Variants in TRIO observed in about 807,000 individuals in gnomAD.
The protein encoded by TRIO is trio Rho guanine nucleotide exchange factor.
Under a neutral mutation model 351.9 loss-of-function variants are expected in TRIO, and 58 were observed. The observed-to-expected ratio is 0.16, with a 90% CI of 0.13 to 0.21. The LOEUF is 0.21. TRIO is among the 10% of genes least tolerant of loss of function. The pLI is 1.00. For missense variants in TRIO, 3,201 were observed against 4,027.8 expected, an observed-to-expected ratio of 0.79 and a Z score of 5.56; for synonymous variants, 1,758 against 1,595.7, an observed-to-expected ratio of 1.10 and a Z score of -2.42.
At chr5:14,179,609 T>G (rs1419155723) in intron 1 of TRIO, among the ~76,000 whole-genome samples, 6 of 141,480 alleles carry the variant, frequency 4.2e-5, no homozygotes, top group Non-Finnish European at 9.0e-5. Context: ...GCTCAGTTTT[T>G]GATTTTTTTT....
intron 11 of TRIO, among the ~76,000 whole-genome samples, chr5:14,344,715 T>A (rs1359898054): frequency 6.6e-6 from 1 of 152,184 alleles, no homozygotes; most frequent in East Asian, 1.9e-4. Context: ...ACCTCATTAA[T>A]CTTTGAACAA....
rs1024850374 is a variant in TRIO at position 14,487,580 on chromosome 5, A to G, written c.6952A>G (p.Ser2318Gly). 1 of 1,138,400 alleles carries G rather than the reference A, an allele frequency of 8.8e-7. No individual in the cohort carries two copies. Among genetic ancestry groups the G allele is most frequent in the African/African-American group, 1.7e-5 (1 of 60,004 alleles). The allele number at this position is 1,138,400 out of a possible 1,614,324, so 70.5% of individuals were successfully genotyped here. The change falls in exon 48 of 57, where the codon AGC (serine) becomes GGC (glycine). Residue 2318 changes from serine (S) to glycine (G), a missense_variant. Transcript: ENST00000344204. ...CGGCGGCGGGGCCCCCAGTGGCGGC[A>G]GCGGCCACAGTGGCGGCCCCAGCAG... ...SGGGGAPSGG[S>G]GHSGGPSSCG... is the part of the protein sequence containing the mutation.
intron 13 of TRIO, among the ~76,000 whole-genome samples, chr5:14,362,746 C>T (rs550911763): frequency 2.6e-5 from 4 of 152,268 alleles, no homozygotes; most frequent in Non-Finnish European, 5.9e-5. Flanking sequence ...CCACTTCCCT[C>T]GGGACCCTGA....
In TRIO at chr5:14,508,205, T is replaced by A; in HGVS notation, c.9077T>A (p.Phe3026Tyr). 6.2e-7 allele frequency: 1 copy of A among 1,614,028 alleles called. No homozygotes were observed. Among genetic ancestry groups the A allele is most frequent in the Non-Finnish European group, 8.5e-7 (1 of 1,180,002 alleles). ...FKGVSQKAKE[F>Y]VCFLLQEDPA... ...GGAGTGAGCCAGAAGGCCAAGGAGT[T>A]CGTGTGCTTCCTCCTGCAGGAGGAC... The change falls in exon 57 of 57, where the codon TTC becomes TAC. Residue 3026 changes from phenylalanine to tyrosine, a missense_variant. Phe to Tyr is a conservative substitution (Grantham distance 22). This residue lies in a region of TRIO where 233 missense variants were observed against 292.6 expected (regional missense o/e 0.80). Coordinates refer to ENST00000344204, the MANE Select transcript of TRIO (RefSeq NM_007118.4).
chr5:14,390,619 C>T (rs538653052), intron 26 of TRIO: 7 of 532,288 alleles, frequency 1.3e-5, no homozygotes, highest in South Asian at 4.8e-5. Flanking sequence ...GACAGGTGAA[C>T]GTGCGGTCAT....
At chr5:14,490,268 G>A (rs1756387364) in intron 48 of TRIO, among the ~76,000 whole-genome samples, 1 of 152,218 alleles carries the variant, frequency 6.6e-6, no homozygotes, top group African/African-American at 2.4e-5. Flanking sequence ...GACAGAGGGA[G>A]ACTCCGTCTC....
At chr5:14,499,696 CAG>C (rs1398288782) in intron 53 of TRIO, among the ~76,000 whole-genome samples, 1 of 151,386 alleles carries the variant, frequency 6.6e-6, no homozygotes, top group East Asian at 1.9e-4. Flanking sequence ...GTAAATAACA[CAG>C]AAATTACACA....
At chr5:14,164,920 C>G (rs973375011) in intron 1 of TRIO, among the ~76,000 whole-genome samples, 1 of 152,212 alleles carries the variant, frequency 6.6e-6, no homozygotes. Context: ...CGTAAGGCTC[C>G]TGGGAACCCT....
chr5:14,465,595 A>G lies in TRIO; in HGVS notation c.5718A>G (p.Ala1906=). The change falls in exon 37 of 57, where the codon GCA becomes GCG. Residue 1906 remains alanine (A), a synonymous_variant. Coordinates refer to ENST00000344204, the MANE Select transcript of TRIO (RefSeq NM_007118.4). ...CCACCAGCTCCGAAACACCGAGTGCAGCCGAGCTCGTCAGTGCAATTGAGG... is the reference window on the plus strand; with the variant it reads ...CCACCAGCTCCGAAACACCGAGTGCGGCCGAGCTCGTCAGTGCAATTGAGG... ...VRPTSSETPS[A]AELVSAIEEL... The G allele has an allele frequency of 6.2e-7, 1 of 1,614,060 alleles. No homozygotes were observed. The highest frequency in any genetic ancestry group is 8.5e-7 in the Non-Finnish European group (1 of 1,180,008).
chr5:14,482,550 C>T (rs1340724698), intron 45 of TRIO, 32 bp from the exon 46 acceptor site: 11 of 1,404,396 alleles, frequency 7.8e-6, no homozygotes, highest in Non-Finnish European at 1.0e-5. Flanking sequence ...TTTCTTCTCC[C>T]CTTCCTTTTC....
At chr5:14,214,957 AACTTG>A (rs762181349) in intron 1 of TRIO, among the ~76,000 whole-genome samples, 3 of 152,232 alleles carry the variant, frequency 2.0e-5, no homozygotes, top group East Asian at 1.9e-4. Flanking sequence ...TGCCTTTAAA[AACTTG>A]ACTTGGAGGA....
At position 14,261,170 on chromosome 5, in the gene TRIO, A is replaced by G. The variant is rs569792198; in HGVS notation, c.158-9655A>G. On this transcript the variant is annotated intron_variant, in intron 1 of 56. Transcript: ENST00000344204. ...AAATTTTAAACCCAAATCGTGGTTC[A>G]GTGCTGGGAATTCAGTTCCTTTTTC... Among the ~76,000 whole-genome samples the G allele has an allele frequency of 2.6e-5, 4 of 152,376 alleles. No individual in the cohort carries two copies. The East Asian group carries it at 7.7e-4, about 29-fold the overall frequency.
chr5:14,413,139 C>T (rs1035524942), intron 33 of TRIO, among the ~76,000 whole-genome samples: 3 of 152,230 alleles, frequency 2.0e-5, no homozygotes, highest in Non-Finnish European at 4.4e-5. Flanking sequence ...CCTTCATCTG[C>T]ACACTCTTGG....
chr5:14,264,576 A>C (rs1424933820), intron 1 of TRIO, among the ~76,000 whole-genome samples: 2 of 151,852 alleles, frequency 1.3e-5, no homozygotes, highest in Non-Finnish European at 2.9e-5. Context: ...TTTTTTACAT[A>C]TTAGAAAAAG....
intron 34 of TRIO, among the ~76,000 whole-genome samples, chr5:14,447,681 A>T (rs951779152): frequency 6.6e-6 from 1 of 151,978 alleles, no homozygotes; most frequent in Non-Finnish European, 1.5e-5. Flanking sequence ...AAGTGATTTC[A>T]TTTTTTTTCA....
chr5:14,322,604 C>T (rs1322548486), intron 9 of TRIO, among the ~76,000 whole-genome samples: 3 of 152,186 alleles, frequency 2.0e-5, no homozygotes, highest in Non-Finnish European at 4.4e-5. Context: ...GGAAGCCTGA[C>T]TCAGGAGCTC....
chr5:14,461,451 C>A, intron 35 of TRIO, 140 bp downstream of exon 35: 1 of 1,241,292 alleles, frequency 8.1e-7, no homozygotes, highest in Non-Finnish European at 1.1e-6. Flanking sequence ...CAAGTCTCTG[C>A]TTAGCAGACT....
intron 1 of TRIO, among the ~76,000 whole-genome samples, chr5:14,194,390 G>T (rs757984719): frequency 8.5e-5 from 13 of 152,202 alleles, no homozygotes; most frequent in Non-Finnish European, 1.9e-4. Flanking sequence ...CAGTATAAAA[G>T]GTTTTATAAT....
intron 34 of TRIO, among the ~76,000 whole-genome samples, chr5:14,452,066 A>T (rs561077034): frequency 1.4e-4 from 22 of 152,356 alleles, no homozygotes; most frequent in Non-Finnish European, 2.4e-4. Context: ...CTGGCTGTCA[A>T]TCGGCAGCAG....
Sources: allele counts gnomAD v4.1 joint callset (sites outside exome capture counted in the v4.1 genomes callset), GRCh38; gene constraint gnomAD v4.1.1; regional missense constraint gnomAD v4.1.1; transcripts MANE v1.5; gene names NCBI Gene and HGNC (gene_info 2026-07-23, HGNC 2026-07-21).